Variants in POLR1B observed in about 807,000 individuals in gnomAD.
The protein encoded by POLR1B is DNA-directed RNA polymerase I subunit RPA2.
Under a neutral mutation model 105.8 loss-of-function variants are expected in POLR1B, and 30 were observed. The observed-to-expected ratio is 0.28, with a 90% confidence interval of 0.21 to 0.38. The LOEUF is 0.38. Ranked by LOEUF, POLR1B falls within the 10% of genes least tolerant of loss-of-function variation. The pLI is 1.00. For missense variants in POLR1B, 976 were observed against 1,435.8 expected, an observed-to-expected ratio of 0.68 and a Z score of 5.17; for synonymous variants, 485 against 505.1, an observed-to-expected ratio of 0.96 and a Z score of 0.53.
At position 112,568,089 on chromosome 2, in the gene POLR1B, G is replaced by A; in HGVS notation, c.1869G>A (p.Val623=). 1.2e-6 allele frequency: 2 copies of A among 1,614,188 alleles called. No homozygotes were observed. Among genetic ancestry groups the A allele is most frequent in the Non-Finnish European group, 8.5e-7 (1 of 1,180,006 alleles). The part of the protein sequence containing the change: ...FTTPCRLVRP[V]QNLALGKEEL... ...CTCCTTGTAGACTGGTACGGCCTGT[G>A]CAGAACTTAGCATTGGGCAAAGAAG... The change falls in exon 11 of 15, where the codon GTG becomes GTA. Residue 623 remains valine, a synonymous_variant. Coordinates refer to ENST00000263331, the MANE Select transcript of POLR1B (RefSeq NM_019014.6).
chr2:112,555,173 C>T (rs537032739), intron 7 of POLR1B, among the ~76,000 whole-genome samples: 4 of 151,640 alleles, frequency 2.6e-5, no homozygotes, highest in East Asian at 2.0e-4. Flanking sequence ...AGAGCAAGAC[C>T]CTGTCTCCAA....
intron 7 of POLR1B, among the ~76,000 whole-genome samples, chr2:112,556,028 G>GA (rs958146150): frequency 7.2e-5 from 11 of 151,834 alleles, no homozygotes; most frequent in African/African-American, 1.9e-4. Context: ...ACATAGTTAT[G>GA]AAAAAAAAGG....
chr2:112,560,345 TTC>T (rs1372395957), intron 9 of POLR1B, among the ~76,000 whole-genome samples: 2 of 152,144 alleles, frequency 1.3e-5, no homozygotes, highest in African/African-American at 4.8e-5. Context: ...TTTGGGTCAT[TTC>T]TTTTTGCATC....
chr2:112,564,643 C>G (rs1684185335), intron 10 of POLR1B, 144 bp downstream of exon 10: 2 of 1,141,100 alleles, frequency 1.8e-6, no homozygotes, highest in South Asian at 1.5e-5. Flanking sequence ...TGCATTCCCT[C>G]TGGTGACAGA....
At chr2:112,570,196 A>G (rs1684521019) in intron 12 of POLR1B, among the ~76,000 whole-genome samples, 1 of 151,306 alleles carries the variant, frequency 6.6e-6, no homozygotes, top group Admixed American at 6.6e-5. Context: ...TTACAGGCAC[A>G]CACCACCATG....
At position 112,577,687 on chromosome 2, in the gene POLR1B, T is replaced by C. The variant is rs1684928935; in HGVS notation, c.*1958T>C. ...GAAACCCCAGCTCTACAAAAAAAAT[T>C]AGCCTGGTGTGGTGGCACATGCCTG... On this transcript the variant is annotated 3_prime_UTR_variant, in exon 15 of 15. Transcript: ENST00000263331. 6.6e-6 allele frequency among the ~76,000 whole-genome samples: 1 copy of C among 151,498 alleles called. No homozygotes were observed. Among genetic ancestry groups the C allele is most frequent in the Non-Finnish European group, 1.5e-5 (1 of 67,914 alleles).
At chr2:112,552,114 A>G (rs1683405067) in intron 6 of POLR1B, 116 bp downstream of exon 6, 2 of 796,226 alleles carry the variant, frequency 2.5e-6, no homozygotes, top group East Asian at 2.6e-5. Context: ...ATCTTGGGGT[A>G]GAATCCTGGT....
Position 112,552,700 on chromosome 2 carries a change from C to T in POLR1B, c.1042C>T (p.Leu348Phe). 6.2e-7 allele frequency: 1 copy of T among 1,610,392 alleles called. No individual in the cohort carries two copies. The highest frequency in any genetic ancestry group is 1.3e-5 in the African/African-American group (1 of 74,582). Residue 348 changes from leucine to phenylalanine, a missense_variant, in exon 7 of 15, where the codon CTC becomes TTC. This residue lies in a region of POLR1B where 452 missense variants were observed against 616.5 expected (regional missense o/e 0.73). Coordinates refer to ENST00000263331, the MANE Select transcript of POLR1B (RefSeq NM_019014.6). ...TACTGAAAAGTTTTATATGCTTTGT[C>T]TCATGACGCGAAAGCTCTTTGCTTT... ...SNTEKFYMLC[L>F]MTRKLFALAK...
intron 11 of POLR1B, 55 bp from the exon 12 acceptor site, chr2:112,568,691 A>G: frequency 3.2e-6 from 5 of 1,575,704 alleles, no homozygotes; most frequent in Non-Finnish European, 4.3e-6. Flanking sequence ...AAATGGTAAG[A>G]GTAAATGTGT....
chr2:112,575,049 G>A lies in POLR1B; in HGVS notation c.2728G>A (p.Val910Ile), dbSNP rs779728133. The A allele has an allele frequency of 6.2e-7, 1 of 1,614,188 alleles. No homozygotes were observed. Among genetic ancestry groups the A allele is most frequent in the Admixed American group, 1.7e-5 (1 of 60,028 alleles). Reference protein sequence around the residue: ...EDMPFTESGMVPDILFNPHGF... With the variant: ...EDMPFTESGMIPDILFNPHGF... Reference sequence around the variant, plus strand: ...CATGCCTTTTACTGAGAGTGGGATGGTCCCAGACATTCTGTTCAATCCCCA... The same window carrying A: ...CATGCCTTTTACTGAGAGTGGGATGATCCCAGACATTCTGTTCAATCCCCA... The change falls in exon 15 of 15, where the codon GTC becomes ATC. Residue 910 changes from valine to isoleucine, a missense_variant. Coordinates refer to ENST00000263331, the MANE Select transcript of POLR1B (RefSeq NM_019014.6). The surrounding 1 kb of genome is among the most constrained non-coding windows in gnomAD (Gnocchi z 5.3).
chr2:112,549,886 ATTGATGTTTTCATCAGT>A (rs138449823), intron 4 of POLR1B, among the ~76,000 whole-genome samples: 4,805 of 152,244 alleles, frequency 0.032, 271 homozygotes, highest in African/African-American at 0.11. Flanking sequence ...AACTATGGTG[ATTGATGTTTTCATCAGT>A]TTGATTGTGG....
At chr2:112,564,559 C>A in intron 10 of POLR1B, 60 bp downstream of exon 10, 1 of 1,608,756 alleles carries the variant, frequency 6.2e-7, no homozygotes, top group Non-Finnish European at 8.5e-7. Context: ...CAGTTCCTTT[C>A]TAGTTTTGGG....
rs1372447631 is a variant in POLR1B at position 112,577,800 on chromosome 2, C to G, written c.*2071C>G. ...TGAGCCAAGATTGTGCCACCACACT[C>G]CAGCCTGGGCGACAGAATGAGACCC... On this transcript the variant is annotated 3_prime_UTR_variant, in exon 15 of 15. Transcript: ENST00000263331. 6.8e-6 allele frequency among the ~76,000 whole-genome samples: 1 copy of G among 146,950 alleles called. No individual in the cohort carries two copies. The highest frequency in any genetic ancestry group is 1.5e-5 in the Non-Finnish European group (1 of 67,276).
chr2:112,545,589 T>C (rs556578563), intron 1 of POLR1B, among the ~76,000 whole-genome samples: 139 of 152,280 alleles, frequency 9.1e-4, no homozygotes, highest in African/African-American at 3.1e-3. Flanking sequence ...TTCTAAATAG[T>C]GCAGCTGCGT....
At chr2:112,567,898 G>A in intron 10 of POLR1B, 69 bp from the exon 11 acceptor site, 2 of 1,332,164 alleles carry the variant, frequency 1.5e-6, no homozygotes, top group Non-Finnish European at 2.1e-6. Context: ...ATTCCATGGG[G>A]CATAAGACTG....
At chr2:112,561,917 C>T (rs1244800848) in intron 9 of POLR1B, among the ~76,000 whole-genome samples, 3 of 152,140 alleles carry the variant, frequency 2.0e-5, no homozygotes, top group Non-Finnish European at 4.4e-5. Context: ...AGCATTCCTT[C>T]TGCCTTGGCC....
In POLR1B at chr2:112,542,678, G is replaced by C; in HGVS notation, c.177+7G>C. 6.2e-7 allele frequency: 1 copy of C among 1,610,800 alleles called. No individual in the cohort carries two copies. Among genetic ancestry groups the C allele is most frequent in the Non-Finnish European group, 8.5e-7 (1 of 1,178,394 alleles). On this transcript the variant is annotated splice_region_variant and intron_variant, in intron 1 of 14. Transcript: ENST00000263331. Reference sequence around the variant, plus strand: ...TCTCGGCCTCGCGGTGCAGGTGAGCGCGGCGTCCGCCGGCGCCCTTGCCGC... The same window carrying C: ...TCTCGGCCTCGCGGTGCAGGTGAGCCCGGCGTCCGCCGGCGCCCTTGCCGC...
intron 9 of POLR1B, among the ~76,000 whole-genome samples, chr2:112,561,194 T>C (rs1683961152): frequency 6.6e-6 from 1 of 152,192 alleles, no homozygotes; most frequent in Non-Finnish European, 1.5e-5. Context: ...AAAAGAATTT[T>C]GTTACTCGTG....
rs1683833410 is a variant in POLR1B at position 112,559,274 on chromosome 2, T to C, written c.1331-19T>C. On this transcript the variant is annotated intron_variant, in intron 8 of 14. Coordinates refer to ENST00000263331, the MANE Select transcript of POLR1B (RefSeq NM_019014.6). ...TTCAAAAGATTGGCCCATTTTTGAA[T>C]GACTTTTGTTTTATTAAGGTCTTGG... 1 of 1,607,682 alleles carries C rather than the reference T, an allele frequency of 6.2e-7. No homozygotes were observed. Among genetic ancestry groups the C allele is most frequent in the Admixed American group, 1.7e-5 (1 of 59,644 alleles).
Sources: allele counts gnomAD v4.1 joint callset (sites outside exome capture counted in the v4.1 genomes callset), GRCh38; gene constraint gnomAD v4.1.1; regional missense constraint gnomAD v4.1.1; non-coding constraint Gnocchi (gnomAD v3.1); transcripts MANE v1.5; gene names NCBI Gene and HGNC (gene_info 2026-07-23, HGNC 2026-07-21).